RIOK2: variants seen among roughly 807,000 people sequenced by gnomAD.
RIOK2 encodes the protein RIO kinase 2.
In RIOK2, 46 loss-of-function variants were observed where a neutral mutation model predicts 62.4. The observed-to-expected ratio is 0.74, with a 90% CI of 0.58 to 0.94. The LOEUF (loss-of-function observed/expected upper bound fraction) is 0.94, where lower values mean the gene tolerates loss of function less well. RIOK2 is among the 40% of genes least tolerant of loss of function. RIOK2 has a pLI of 0.00. For missense variants in RIOK2, 574 were observed against 658.0 expected (o/e 0.87, Z 1.40); for synonymous variants, 197 against 216.0 (o/e 0.91, Z 0.77).
chr5:97,178,774 CTCTACATGCTCTTCTGCAGTACT>C, intron 2 of RIOK2: 1 of 421,446 alleles, frequency 2.4e-6, no homozygotes, highest in Non-Finnish European at 4.3e-6. Context: ...TTCTGCAGTA[CTCTACATGCTCTTCTGCAGTACT>C]CTACGTGCTC....
chr5:97,166,292 C>T (rs1561515663), intron 8 of RIOK2: 1 of 455,308 alleles, frequency 2.2e-6, no homozygotes, highest in Non-Finnish European at 4.4e-6. Context: ...TCTGTCACCC[C>T]TCTTTTCCTT....
chr5:97,182,918 G>T, intron 1 of RIOK2: 1 of 632,874 alleles, frequency 1.6e-6, no homozygotes, highest in Non-Finnish European at 2.8e-6. Context: ...TTAGAAGACG[G>T]GACCTTTGCT....
intron 1 of RIOK2, among the ~76,000 whole-genome samples, chr5:97,179,997 ATATATAT>A (rs1200997686): frequency 1.9e-5 from 1 of 53,482 alleles, no homozygotes; most frequent in Admixed American, 2.8e-4. Context: ...TATAAAATAT[ATATATAT>A]TATATATATA....
rs961170018 is a variant in RIOK2, at chr5:97,177,327, C to T, written c.323-36G>A. On this transcript the variant is annotated intron_variant, in intron 3 of 9. Transcript: ENST00000283109. ...AATTTCAAAAACAACCATTATTACA[C>T]GTTTATTCCAATCAGTTAAAACAAT... 17 of 1,521,252 alleles carry T rather than the reference C, an allele frequency of 1.1e-5. 1 individual carries two copies. The highest frequency in any genetic ancestry group is 4.2e-5 in the African/African-American group (3 of 71,988). The allele number at this position is 1,521,252 out of a possible 1,614,324, so 94.2% of individuals were successfully genotyped here. A position where few individuals can be genotyped will look rare whatever the true frequency, so the allele number is the denominator to read the frequency against.
intron 4 of RIOK2, among the ~76,000 whole-genome samples, chr5:97,175,652 CTT>C (rs1749144875): frequency 6.6e-6 from 1 of 152,130 alleles, no homozygotes; most frequent in African/African-American, 2.4e-5. Context: ...TTTATGCTGC[CTT>C]AAGAAATCTC....
In RIOK2 at chr5:97,162,774, CAACA is replaced by C. The variant is rs1372451847; in HGVS notation, c.*283_*286del. The C allele has an allele frequency of 3.3e-6, 1 of 305,446 alleles. No individual in the cohort carries two copies. The highest frequency in any genetic ancestry group is 7.4e-5 in the East Asian group (1 of 13,440). 18.9% of individuals were successfully genotyped at this position (305,446 alleles called of 1,614,324 possible). A position where few individuals can be genotyped will look rare whatever the true frequency, so the allele number is the denominator to read the frequency against. ...TATGTGCATTGTAGCATATCATCCT[CAACA>C]AACAGAAAACAACAAAAATGTTATT... On this transcript the variant is annotated 3_prime_UTR_variant, in exon 10 of 10. Transcript: ENST00000283109.
At position 97,162,974 on chromosome 5, in the gene RIOK2, T is replaced by C. The variant is rs866045436; in HGVS notation, c.*87A>G. The C allele has an allele frequency of 1.5e-4, 167 of 1,135,976 alleles. 1 individual carries two copies. The Middle Eastern group carries it at 2.1e-3, about 14-fold the overall frequency. 70.4% of individuals were successfully genotyped at this position (1,135,976 alleles called of 1,614,324 possible). On this transcript the variant is annotated 3_prime_UTR_variant, in exon 10 of 10. Coordinates refer to ENST00000283109, the MANE Select transcript of RIOK2 (RefSeq NM_018343.3). ...GTTTATTTATTAATATATGATAGCC[T>C]TGGCTCAAAAAAGACAAATGAGGGC...
At chr5:97,180,329 A>T (rs1749371567) in intron 1 of RIOK2, among the ~76,000 whole-genome samples, 1 of 151,402 alleles carries the variant, frequency 6.6e-6, no homozygotes, top group South Asian at 2.1e-4. Context: ...ATGCAAAACT[A>T]GAGACTGACT....
At chr5:97,182,843 G>T in intron 1 of RIOK2, 1 of 375,064 alleles carries the variant, frequency 2.7e-6, no homozygotes, top group African/African-American at 2.1e-5. Context: ...GAAGTTTCCA[G>T]GCCACAGAGA....
At position 97,177,267 on chromosome 5, in the gene RIOK2, T is replaced by G. The variant is rs767045233; in HGVS notation, c.347A>C (p.Glu116Ala). 14 of 1,612,332 alleles carry G rather than the reference T, an allele frequency of 8.7e-6. No homozygotes were observed. The African/African-American group carries it at 1.7e-4, about 20-fold the overall frequency. ...ESDIYIVANEEGQQFALKLHR... is the reference protein window; with the variant it reads ...ESDIYIVANEAGQQFALKLHR... ...AAGCTTTAATGCAAATTGTTGTCCT[T>G]CTTCATTTGCAACAATGTAAATATC... is the stretch of plus-strand genomic sequence containing the variant. Residue 116 changes from glutamate (E) to alanine (A), a missense_variant, in exon 4 of 10, where the codon GAA becomes GCA. Physicochemically the swap from Glu to Ala is moderately radical, Grantham distance 107. Coordinates refer to ENST00000283109, the MANE Select transcript of RIOK2 (RefSeq NM_018343.3).
chr5:97,178,367 A>ACATGCTCTT (rs1749230208), intron 2 of RIOK2, among the ~76,000 whole-genome samples: 1 of 143,560 alleles, frequency 7.0e-6, no homozygotes. Context: ...TACAGTACCT[A>ACATGCTCTT]CATGCTCTTC....
intron 8 of RIOK2, among the ~76,000 whole-genome samples, chr5:97,165,721 A>T (rs965867730): frequency 1.3e-5 from 2 of 152,162 alleles, no homozygotes; most frequent in African/African-American, 4.8e-5. Context: ...TTTGAATGGA[A>T]GTTTTGCCCA....
chr5:97,168,392 T>C (rs1015834835), intron 7 of RIOK2, among the ~76,000 whole-genome samples: 5 of 149,922 alleles, frequency 3.3e-5, no homozygotes, highest in Non-Finnish European at 7.4e-5. Context: ...ATGATAGTTA[T>C]GTTTTGAGAA....
chr5:97,177,815 T>C lies in RIOK2; in HGVS notation c.239A>G (p.Tyr80Cys). Residue 80 changes from tyrosine to cysteine, a missense_variant, in exon 3 of 10, where the codon TAT (tyrosine) becomes TGT (cysteine). Coordinates refer to ENST00000283109, the MANE Select transcript of RIOK2 (RefSeq NM_018343.3). ...VQGYRLTNAGYDYLALKTLSS... is the reference protein window; with the variant it reads ...VQGYRLTNAGCDYLALKTLSS... ...AAGTGTTTTCAAAGCTAGGTAATCA[T>C]ATCCTGCATTTGTCAACCGATAGCC... is the stretch of plus-strand genomic sequence containing the variant. 1 of 1,613,502 alleles carries C rather than the reference T, an allele frequency of 6.2e-7. No homozygotes were observed. The highest frequency in any genetic ancestry group is 8.5e-7 in the Non-Finnish European group (1 of 1,179,602).
rs758632274 is a variant in RIOK2, at chr5:97,165,077, C to T, written c.1468G>A (p.Ala490Thr). 3.6e-5 allele frequency: 58 copies of T among 1,593,260 alleles called. No homozygotes were observed. Among genetic ancestry groups the T allele is most frequent in the Non-Finnish European group, 4.9e-5 (57 of 1,170,074 alleles). Residue 490 changes from alanine (A) to threonine (T), a missense_variant, in exon 9 of 10, where the codon GCT becomes ACT. Transcript: ENST00000283109. The stretch of plus-strand genomic sequence containing the variant: ...GGAGGAATTGTTGAACAGCTTACAG[C>T]ACTGCCTGAAGAAGTGATACTCAGA... ...RTLSITSSGS[A>T]VSCSTIPPEL...
chr5:97,174,672 C>G (rs762118756), intron 4 of RIOK2, among the ~76,000 whole-genome samples: 1 of 152,086 alleles, frequency 6.6e-6, no homozygotes, highest in Admixed American at 6.5e-5. Flanking sequence ...CAAATAATAT[C>G]CAAGCTTCAT....
chr5:97,167,774 C>G lies in RIOK2; in HGVS notation c.1090G>C (p.Gly364Arg). The G allele has an allele frequency of 6.2e-7, 1 of 1,614,088 alleles. No homozygotes were observed. Among genetic ancestry groups the G allele is most frequent in the Non-Finnish European group, 8.5e-7 (1 of 1,179,992 alleles). Residue 364 changes from glycine (G) to arginine (R), a missense_variant, in exon 8 of 10, where the codon GGC (glycine) becomes CGC (arginine). Physicochemically the swap from Gly to Arg is moderately radical, Grantham distance 125 (BLOSUM62 -2). Transcript: ENST00000283109. ...SERNCLEESE[G>R]CYCRSSGDPE... ...TCTCCAGATGATCTGCAATAGCAGC[C>G]CTCTGATTCTTCTAGACAGTTCCGT...
At chr5:97,180,091 A>ATATC (rs1267890907) in intron 1 of RIOK2, among the ~76,000 whole-genome samples, 1 of 90,140 alleles carries the variant, frequency 1.1e-5, no homozygotes, top group Non-Finnish European at 2.2e-5. Context: ...ATATATATAT[A>ATATC]TCTCTATCCT....
At chr5:97,178,465 C>T (rs1441825711) in intron 2 of RIOK2, among the ~76,000 whole-genome samples, 1 of 151,410 alleles carries the variant, frequency 6.6e-6, no homozygotes, top group Non-Finnish European at 1.5e-5. Flanking sequence ...TACCTACATG[C>T]TCTTCTGCAG....
Sources: allele counts gnomAD v4.1 joint callset (sites outside exome capture counted in the v4.1 genomes callset), GRCh38; gene constraint gnomAD v4.1.1; transcripts MANE v1.5; gene names NCBI Gene and HGNC (gene_info 2026-07-23, HGNC 2026-07-21).